The following CDH8 variants were observed in gnomAD, a reference collection of about 807,000 sequenced individuals.
CDH8 encodes cadherin 8.
Under a neutral mutation model 68.1 loss-of-function variants are expected in CDH8, and 17 were observed. The ratio of observed to expected loss-of-function variants is 0.25; its 90% CI spans 0.17 to 0.37. The LOEUF (loss-of-function observed/expected upper bound fraction) is 0.37. Ranked by LOEUF, CDH8 falls within the 10% of genes least tolerant of loss-of-function variation. The pLI is 1.00. For missense variants in CDH8, 763 were observed against 999.3 expected (o/e 0.76, Z 3.19); for synonymous variants, 372 against 365.1 (o/e 1.02, Z -0.21).
At position 61,991,431 on chromosome 16, in the gene CDH8, T is replaced by C. The variant is rs145368877; in HGVS notation, c.252+29721A>G. Among the ~76,000 whole-genome samples the C allele has an allele frequency of 2.2e-3, 331 of 152,286 alleles. 2 individuals are homozygous for C. Among genetic ancestry groups the C allele is most frequent in the Non-Finnish European group, 3.7e-3 (251 of 68,016 alleles). The stretch of plus-strand genomic sequence containing the variant: ...GCTCTTAACACCTAATGCAAATGCG[T>C]AAAGGACTCAACTTAGGCAAGCAAT... On this transcript the variant is annotated intron_variant, in intron 2 of 11. Coordinates refer to ENST00000577390, the MANE Select transcript of CDH8 (RefSeq NM_001796.5).
intron 1 of CDH8, among the ~76,000 whole-genome samples, chr16:62,031,547 G>A (rs990235180): frequency 2.6e-5 from 4 of 152,074 alleles, no homozygotes; most frequent in African/African-American, 7.2e-5. Context: ...GGCAGTGGAG[G>A]CAGAGAAAGA....
intron 2 of CDH8, among the ~76,000 whole-genome samples, chr16:61,957,372 A>G (rs963720940): frequency 6.6e-6 from 1 of 152,180 alleles, no homozygotes; most frequent in Non-Finnish European, 1.5e-5. Flanking sequence ...TTTAAGAGCC[A>G]CAAGCAGCAG....
intron 2 of CDH8, among the ~76,000 whole-genome samples, chr16:61,972,199 G>A (rs1369957778): frequency 1.3e-5 from 2 of 152,150 alleles, no homozygotes; most frequent in Non-Finnish European, 2.9e-5. Context: ...CATGTAAGAT[G>A]TGACTTTGCT....
At chr16:61,657,686 T>C (rs1963474603) in intron 10 of CDH8, among the ~76,000 whole-genome samples, 1 of 152,118 alleles carries the variant, frequency 6.6e-6, no homozygotes, top group South Asian at 2.1e-4. Context: ...TACATGATAG[T>C]TCAAAACAAA....
chr16:61,722,518 T>C (rs1483082025), intron 9 of CDH8, among the ~76,000 whole-genome samples: 1 of 150,854 alleles, frequency 6.6e-6, no homozygotes, highest in African/African-American at 2.4e-5. Flanking sequence ...TTACAACAAT[T>C]AGCATCTTGT....
chr16:61,710,051 T>C (rs1964603901), intron 10 of CDH8, among the ~76,000 whole-genome samples: 3 of 152,038 alleles, frequency 2.0e-5, no homozygotes. Flanking sequence ...AGATACAGTA[T>C]GAGAAGGAAT....
intron 2 of CDH8, among the ~76,000 whole-genome samples, chr16:61,960,013 TATACAC>T (rs1965074799): frequency 1.2e-5 from 1 of 80,548 alleles, no homozygotes; most frequent in African/African-American, 9.0e-5. Context: ...TATATATATA[TATACAC>T]ACATACACAC....
intron 8 of CDH8, among the ~76,000 whole-genome samples, chr16:61,743,903 T>C (rs1434528636): frequency 6.6e-6 from 1 of 152,152 alleles, no homozygotes; most frequent in African/African-American, 2.4e-5. Context: ...ATGGGTTTTT[T>C]CCTCTGTTTT....
intron 8 of CDH8, among the ~76,000 whole-genome samples, chr16:61,756,048 C>T (rs150743764): frequency 2.6e-5 from 4 of 151,958 alleles, no homozygotes; most frequent in African/African-American, 4.8e-5. Flanking sequence ...CTCAAACTCC[C>T]GGGCTCAAGT....
intron 4 of CDH8, among the ~76,000 whole-genome samples, chr16:61,850,302 A>G: frequency 6.6e-6 from 1 of 152,046 alleles, no homozygotes; most frequent in Non-Finnish European, 1.5e-5. Context: ...AACTAATAGA[A>G]TGAGAATTAA....
intron 8 of CDH8, among the ~76,000 whole-genome samples, chr16:61,780,510 G>C (rs1961022177): frequency 6.6e-6 from 1 of 152,178 alleles, no homozygotes; most frequent in African/African-American, 2.4e-5. Context: ...AATTTCATTT[G>C]TTTAAATCTT....
intron 8 of CDH8, among the ~76,000 whole-genome samples, chr16:61,742,375 A>G (rs1229168093): frequency 6.6e-6 from 1 of 152,084 alleles, no homozygotes; most frequent in Non-Finnish European, 1.5e-5. Flanking sequence ...TAAAACCTTC[A>G]GTATAATTGA....
rs1964677351 is a variant in CDH8 at position 61,714,020 on chromosome 16, A to ATGTCC, written c.1537-63_1537-62insGGACA. On this transcript the variant is annotated intron_variant, in intron 9 of 11. Transcript: ENST00000577390. ...TTTCAGAGGCTCCTGCCATCGGTAA[A>ATGTCC]AGCTTAGTGACATTCTTTTTGTGGT... The ATGTCC allele has an allele frequency of 6.9e-5, 66 of 960,532 alleles. No homozygotes were observed. The South Asian group carries it at 8.2e-4, about 12-fold the overall frequency. The allele number at this position is 960,532 out of a possible 1,614,324, so 59.5% of individuals were successfully genotyped here.
chr16:61,862,815 T>C (rs1280433196), intron 3 of CDH8, among the ~76,000 whole-genome samples: 1 of 152,160 alleles, frequency 6.6e-6, no homozygotes, highest in African/African-American at 2.4e-5. Context: ...CAGGATAATG[T>C]TTCTTCAAAG....
chr16:61,780,118 A>G (rs1433968713), intron 8 of CDH8, among the ~76,000 whole-genome samples: 1 of 152,224 alleles, frequency 6.6e-6, no homozygotes, highest in Non-Finnish European at 1.5e-5. Context: ...TATGAGAATT[A>G]AAAGCATCGA....
At chr16:61,752,439 T>A (rs1428353355) in intron 8 of CDH8, among the ~76,000 whole-genome samples, 1 of 152,182 alleles carries the variant, frequency 6.6e-6, no homozygotes, top group Non-Finnish European at 1.5e-5. Context: ...ATTGAGATAA[T>A]ATAAGACAAA....
At chr16:62,029,353 A>G (rs1902270548) in intron 1 of CDH8, among the ~76,000 whole-genome samples, 1 of 152,194 alleles carries the variant, frequency 6.6e-6, no homozygotes, top group African/African-American at 2.4e-5. Context: ...GACAGGTAAT[A>G]AGTAAAGTAA....
At chr16:61,919,999 G>C (rs1964330997) in intron 2 of CDH8, among the ~76,000 whole-genome samples, 2 of 151,786 alleles carry the variant, frequency 1.3e-5, no homozygotes, top group African/African-American at 4.8e-5. Flanking sequence ...ACAAGCAATG[G>C]GGAAAGGATT....
chr16:61,825,856 C>T (rs539856009), intron 4 of CDH8, among the ~76,000 whole-genome samples: 6 of 151,890 alleles, frequency 4.0e-5, no homozygotes, highest in South Asian at 4.2e-4. Context: ...ACATAAAATA[C>T]GATAAAATTA....
Sources: gnomAD v4.1 joint callset for allele counts (sites outside exome capture counted in the v4.1 genomes callset) on GRCh38, gnomAD v4.1.1 for gene constraint, MANE v1.5 for transcripts, NCBI Gene and HGNC (gene_info 2026-07-23, HGNC 2026-07-21) for gene names.